The following FSHR variants were observed in gnomAD, a reference collection of about 807,000 sequenced individuals.
FSHR encodes follicle stimulating hormone receptor.
FSHR carries 46 observed loss-of-function variants against 52.1 expected under a neutral mutation model. That is an observed-to-expected ratio of 0.88 (90% CI 0.70 to 1.13). FSHR has a LOEUF of 1.13. FSHR is among the 50% of genes most tolerant of loss of function. FSHR has a pLI of 0.00. For missense variants in FSHR, 964 were observed against 834.6 expected, an observed-to-expected ratio of 1.16 and a Z score of -1.91; for synonymous variants, 399 against 309.6, an observed-to-expected ratio of 1.29 and a Z score of -3.03.
At chr2:48,982,598 A>G (rs1480731531) in intron 8 of FSHR, among the ~76,000 whole-genome samples, 5 of 152,190 alleles carry the variant, frequency 3.3e-5, no homozygotes, top group Non-Finnish European at 7.3e-5. Flanking sequence ...TTCCTTCTGT[A>G]AAACGGGAAT....
At chr2:49,111,796 T>G (rs1671432987) in intron 1 of FSHR, among the ~76,000 whole-genome samples, 1 of 152,150 alleles carries the variant, frequency 6.6e-6, no homozygotes, top group Admixed American at 6.5e-5. Context: ...TTCTTTATAC[T>G]TTCCTACTGA....
intron 1 of FSHR, among the ~76,000 whole-genome samples, chr2:49,088,543 G>C (rs968413149): frequency 2.0e-5 from 3 of 152,170 alleles, no homozygotes; most frequent in African/African-American, 7.2e-5. Context: ...AACAGAATTC[G>C]ACTTTAATGA....
intron 1 of FSHR, among the ~76,000 whole-genome samples, chr2:49,097,910 G>A (rs939845438): frequency 6.6e-6 from 1 of 151,820 alleles, no homozygotes; most frequent in Non-Finnish European, 1.5e-5. Context: ...TGCACACATG[G>A]ATTTTTATCT....
rs1672917850 is a variant in FSHR, at chr2:49,147,688, C to A, written c.152+6578G>T. On this transcript the variant is annotated intron_variant, in intron 1 of 9. Coordinates refer to ENST00000406846, the MANE Select transcript of FSHR (RefSeq NM_000145.4). The stretch of plus-strand genomic sequence containing the variant: ...CCCTGCAATGTAATTTCCACTTTTT[C>A]TCTTTCAAGGTACTGCATTCTATAG... 3.3e-5 allele frequency among the ~76,000 whole-genome samples: 5 copies of A among 152,054 alleles called. No individual in the cohort carries two copies. The South Asian group carries it at 1.0e-3, about 32-fold the overall frequency.
intron 1 of FSHR, among the ~76,000 whole-genome samples, chr2:49,104,425 A>T (rs1380556486): frequency 6.6e-6 from 1 of 152,082 alleles, no homozygotes; most frequent in Non-Finnish European, 1.5e-5. Context: ...ACAATTCACC[A>T]TGGAAAGTTG....
intron 1 of FSHR, among the ~76,000 whole-genome samples, chr2:49,111,031 C>T (rs1671403478): frequency 6.6e-6 from 1 of 152,090 alleles, no homozygotes; most frequent in Non-Finnish European, 1.5e-5. Flanking sequence ...TGGAGTCCTG[C>T]TTTATGTATG....
chr2:49,014,205 T>C (rs926097819), intron 4 of FSHR, among the ~76,000 whole-genome samples: 2 of 152,184 alleles, frequency 1.3e-5, no homozygotes, highest in Non-Finnish European at 2.9e-5. Context: ...GGAGAATCCC[T>C]CGACAGTGAC....
intron 1 of FSHR, among the ~76,000 whole-genome samples, chr2:49,099,820 T>C (rs1456492766): frequency 1.3e-5 from 2 of 152,088 alleles, no homozygotes; most frequent in Non-Finnish European, 2.9e-5. Flanking sequence ...TCAGGAGGAA[T>C]CTATGCTAAC....
intron 1 of FSHR, among the ~76,000 whole-genome samples, chr2:49,092,500 A>C (rs543070707): frequency 8.5e-5 from 13 of 152,208 alleles, no homozygotes; most frequent in Non-Finnish European, 1.8e-4. Context: ...CAAGCTAATA[A>C]AGTTTGCTTC....
Position 49,127,799 on chromosome 2 carries a change from CT to C in FSHR, c.152+26466del, listed in dbSNP as rs1672076935. ...TCTTCTTCTTCTTCTTCTTCTTCTTCTTCTTCTTCTTCTTCTTCTTCTTCTT... is the reference window on the plus strand; with the variant it reads ...TCTTCTTCTTCTTCTTCTTCTTCTTCTCTTCTTCTTCTTCTTCTTCTTCTT... On this transcript the variant is annotated intron_variant, in intron 1 of 9. Coordinates refer to ENST00000406846, the MANE Select transcript of FSHR (RefSeq NM_000145.4). Among the ~76,000 whole-genome samples, 3 of 55,410 alleles carry C rather than the reference CT, an allele frequency of 5.4e-5. No individual in the cohort carries two copies. The Admixed American group carries it at 8.8e-4, about 16-fold the overall frequency. The allele number at this position is 55,410 out of a possible 152,430, so 36.4% of individuals were successfully genotyped here. A position where few individuals can be genotyped will look rare whatever the true frequency, so the allele number is the denominator to read the frequency against.
At chr2:48,978,099 T>G (rs2268358) in intron 8 of FSHR, among the ~76,000 whole-genome samples, 32,488 of 152,090 alleles carry the variant, frequency 0.21, 4,690 homozygotes, top group African/African-American at 0.42. Context: ...GTTTCCACAT[T>G]GTTAGTACTC....
chr2:49,125,455 T>C (rs1295050429), intron 1 of FSHR, among the ~76,000 whole-genome samples: 1 of 152,192 alleles, frequency 6.6e-6, no homozygotes, highest in Non-Finnish European at 1.5e-5. Context: ...ATATTATATA[T>C]CTTATTACCT....
chr2:49,012,772 C>G (rs553600726), intron 4 of FSHR, among the ~76,000 whole-genome samples: 15 of 152,052 alleles, frequency 9.9e-5, no homozygotes, highest in Non-Finnish European at 1.8e-4. Flanking sequence ...GTTCATCATC[C>G]CAAAGAATAT....
chr2:49,052,668 G>A (rs931906418), intron 2 of FSHR, among the ~76,000 whole-genome samples: 3 of 152,288 alleles, frequency 2.0e-5, no homozygotes, highest in African/African-American at 7.2e-5. Context: ...GATCTAACCA[G>A]TCTAACACTG....
chr2:48,970,440 T>G (rs1674692916), intron 8 of FSHR, among the ~76,000 whole-genome samples: 1 of 152,212 alleles, frequency 6.6e-6, no homozygotes. Flanking sequence ...TTTGAGATAC[T>G]CTCTTTCTTG....
intron 2 of FSHR, among the ~76,000 whole-genome samples, chr2:49,049,810 A>G (rs1177160437): frequency 7.1e-6 from 1 of 141,176 alleles, no homozygotes; most frequent in Non-Finnish European, 1.5e-5. Flanking sequence ...TCAGACTCAT[A>G]TAGCCCCTAC....
intron 2 of FSHR, among the ~76,000 whole-genome samples, chr2:49,038,644 T>C: frequency 8.3e-6 from 1 of 119,860 alleles, no homozygotes; most frequent in Non-Finnish European, 1.8e-5. Flanking sequence ...ATAATAATAA[T>C]AATAATAATA....
Position 49,154,284 on chromosome 2 carries a change from G to T in FSHR, c.134C>A (p.Pro45Gln). The T allele has an allele frequency of 1.2e-6, 2 of 1,613,808 alleles. No individual in the cohort carries two copies. The highest frequency in any genetic ancestry group is 1.7e-6 in the Non-Finnish European group (2 of 1,179,862). The stretch of plus-strand genomic sequence containing the variant: ...TACTCACAGTTCAATGGCATTCCTC[G>T]GGAGGTCAGAAGGAATCTCTGTCAC... ...SKVTEIPSDL[P>Q]RNAIELRFVL... Residue 45 changes from proline (P) to glutamine (Q), a missense_variant, in exon 1 of 10, where the codon CCG (proline) becomes CAG (glutamine). By Grantham distance (76) the Pro-to-Gln change is moderately conservative. Transcript: ENST00000406846.
At chr2:48,983,707 G>A (rs1011180944) in intron 6 of FSHR, among the ~76,000 whole-genome samples, 1 of 152,210 alleles carries the variant, frequency 6.6e-6, no homozygotes, top group Admixed American at 6.5e-5. Flanking sequence ...GACCCATAGG[G>A]ACCTGGTTAT....
Sources: gnomAD v4.1 joint callset for allele counts (sites outside exome capture counted in the v4.1 genomes callset) on GRCh38, gnomAD v4.1.1 for gene constraint, MANE v1.5 for transcripts, NCBI Gene and HGNC (gene_info 2026-07-23, HGNC 2026-07-21) for gene names.